Variants in ZNF385C observed in about 807,000 individuals in gnomAD.
ZNF385C encodes the protein CTD-2132N18.2.
Under a neutral mutation model 35.4 loss-of-function variants are expected in ZNF385C, and 28 were observed. The ratio of observed to expected loss-of-function variants is 0.79; its 90% CI spans 0.59 to 1.08. The LOEUF (loss-of-function observed/expected upper bound fraction) is 1.08. Among genes scored for constraint, ZNF385C ranks in the 50% least tolerant of loss-of-function variants. The pLI, the probability that ZNF385C is intolerant of heterozygous loss-of-function variation, is 0.00. For synonymous variants in ZNF385C, 248 were observed against 248.2 expected, an observed-to-expected ratio of 1.00 and a Z score of 0.01; for missense variants, 605 against 595.6, an observed-to-expected ratio of 1.02 and a Z score of -0.16.
At chr17:42,027,994 T>TG in intron 7 of ZNF385C, 56 bp downstream of exon 7, 4 of 1,367,708 alleles carry the variant, frequency 2.9e-6, no homozygotes, top group East Asian at 2.4e-5. Context: ...TCTGCTGCCC[T>TG]GCCCCCCAAC....
chr17:42,083,497 G>A (rs868966472), intron 1 of ZNF385C, among the ~76,000 whole-genome samples: 5 of 151,580 alleles, frequency 3.3e-5, no homozygotes, highest in South Asian at 2.1e-4. Flanking sequence ...ATGAGCCACC[G>A]CGCCTGGCCA....
At chr17:42,068,529 G>A (rs12450334) in intron 1 of ZNF385C, among the ~76,000 whole-genome samples, 32,810 of 151,962 alleles carry the variant, frequency 0.22, 3,993 homozygotes, top group East Asian at 0.33. Flanking sequence ...TCTTTTTTGG[G>A]GGGGATAGGG....
At chr17:42,039,973 T>C in intron 2 of ZNF385C, 1 of 1,230,902 alleles carries the variant, frequency 8.1e-7, no homozygotes, top group Admixed American at 4.2e-5. Flanking sequence ...CAGCTCCGAG[T>C]GCGCGCACGC....
At chr17:42,051,778 C>T (rs2053286281) in intron 2 of ZNF385C, among the ~76,000 whole-genome samples, 1 of 152,152 alleles carries the variant, frequency 6.6e-6, no homozygotes, top group Non-Finnish European at 1.5e-5. Flanking sequence ...ATTTGAGGTC[C>T]CAGCCCCACC....
intron 2 of ZNF385C, chr17:42,043,027 G>A: frequency 8.1e-7 from 1 of 1,232,344 alleles, no homozygotes; most frequent in Non-Finnish European, 1.0e-6. Context: ...GACGCCCCTG[G>A]AGGCAGGGGT....
At chr17:42,027,588 G>T in intron 8 of ZNF385C, 30 bp downstream of exon 8, 1 of 413,346 alleles carries the variant, frequency 2.4e-6, no homozygotes, top group Non-Finnish European at 4.4e-6. Context: ...TCCTGACCCA[G>T]TCCCAGCTCT....
chr17:42,081,299 G>T (rs1567996177), intron 1 of ZNF385C, among the ~76,000 whole-genome samples: 1 of 152,174 alleles, frequency 6.6e-6, no homozygotes, highest in Non-Finnish European at 1.5e-5. Context: ...TGACCTGAGG[G>T]ATAGGCCTGC....
intron 8 of ZNF385C, 116 bp from the exon 9 acceptor site, chr17:42,027,249 ACCTAAATCCT>A: frequency 3.3e-6 from 3 of 920,964 alleles, no homozygotes; most frequent in Non-Finnish European, 5.2e-6. Context: ...AGAGTTCCAA[ACCTAAATCCT>A]CCTCCCTTCC....
intron 6 of ZNF385C, 65 bp downstream of exon 6, chr17:42,028,718 T>G: frequency 6.7e-7 from 1 of 1,497,152 alleles, no homozygotes; most frequent in South Asian, 1.3e-5. Flanking sequence ...AAGCCTGCCC[T>G]CATCTGGCGA....
intron 1 of ZNF385C, among the ~76,000 whole-genome samples, chr17:42,076,552 G>A (rs991585184): frequency 2.6e-5 from 4 of 152,140 alleles, no homozygotes; most frequent in Admixed American, 6.5e-5. Flanking sequence ...AACCCGGGGG[G>A]CGGAGCTGGC....
intron 3 of ZNF385C, among the ~76,000 whole-genome samples, chr17:42,035,124 A>AC (rs1598180944): frequency 6.6e-6 from 1 of 150,902 alleles, no homozygotes; most frequent in East Asian, 1.9e-4. Context: ...GTCTCAAAAA[A>AC]AAAAAAAAAA....
chr17:42,071,221 G>A (rs2053620043), intron 1 of ZNF385C, among the ~76,000 whole-genome samples: 1 of 152,190 alleles, frequency 6.6e-6, no homozygotes, highest in Non-Finnish European at 1.5e-5. Context: ...CCCATCTGAA[G>A]TGGTGACAGA....
intron 1 of ZNF385C, among the ~76,000 whole-genome samples, chr17:42,063,869 G>A (rs191622388): frequency 1.6e-4 from 24 of 152,316 alleles, no homozygotes; most frequent in Non-Finnish European, 2.9e-4. Context: ...CCTGCACCCA[G>A]CAGGGTGACA....
At chr17:42,040,387 CG>C (rs1469539676) in intron 2 of ZNF385C, 6 of 1,231,844 alleles carry the variant, frequency 4.9e-6, no homozygotes, top group Admixed American at 4.2e-5. Context: ...GCCCTGGAGG[CG>C]GGCCCCACCT....
chr17:42,028,396 T>C, intron 6 of ZNF385C, 150 bp from the exon 7 acceptor site: 1 of 798,376 alleles, frequency 1.3e-6, no homozygotes, highest in South Asian at 2.1e-5. Context: ...TGGTTTCCCC[T>C]CCCAGCTTCT....
At chr17:42,098,020 C>T (rs1166595668) in intron 1 of ZNF385C, among the ~76,000 whole-genome samples, 1 of 152,178 alleles carries the variant, frequency 6.6e-6, no homozygotes, top group Admixed American at 6.5e-5. Context: ...AAGCCATCAC[C>T]CCCTAGGGTG....
chr17:42,097,155 C>T (rs1264558746), intron 1 of ZNF385C, among the ~76,000 whole-genome samples: 1 of 152,078 alleles, frequency 6.6e-6, no homozygotes, highest in African/African-American at 2.4e-5. Context: ...TGCAGCCACT[C>T]TATGAGGTGG....
rs10617911 is a variant in ZNF385C, at chr17:42,061,207, A to ATTTTTTTTTTTTTTTTT, written c.250+1583_250+1599dup. 203 of 57,506 alleles carry ATTTTTTTTTTTTTTTTT rather than the reference A, an allele frequency of 3.5e-3. 16 individuals are homozygous for ATTTTTTTTTTTTTTTTT. Among genetic ancestry groups the ATTTTTTTTTTTTTTTTT allele is most frequent in the East Asian group, 8.3e-3 (12 of 1,442 alleles). 3.6% of individuals were successfully genotyped at this position (57,506 alleles called of 1,614,324 possible). ...AAATATTTGGTGAATTAATGAGTTAATTTTTTTTTTTTTTTTTTTTTTTTT... is the reference window on the plus strand; with the variant it reads ...AAATATTTGGTGAATTAATGAGTTAATTTTTTTTTTTTTTTTTTTTTTTTTTTTTTTTTTTTTTTTTT... On this transcript the variant is annotated intron_variant, in intron 2 of 8. Transcript: ENST00000692273.
chr17:42,036,594 G>A lies in ZNF385C; in HGVS notation c.399+1143C>T, dbSNP rs966406135. 1.1e-4 allele frequency among the ~76,000 whole-genome samples: 17 copies of A among 152,240 alleles called. 1 individual carries two copies. The highest frequency in any genetic ancestry group is 3.6e-4 in the African/African-American group (15 of 41,548). On this transcript the variant is annotated intron_variant, in intron 3 of 8. Transcript: ENST00000692273. ...AACCTTCCCAAGAAAAGAAAACAGA[G>A]CTTAGAGAGAAGAACATGGGTGCAG...
Sources: allele counts gnomAD v4.1 joint callset (sites outside exome capture counted in the v4.1 genomes callset), GRCh38; gene constraint gnomAD v4.1.1; transcripts MANE v1.5; gene names NCBI Gene and HGNC (gene_info 2026-07-23, HGNC 2026-07-21).